Variants in DCHS2 observed in about 807,000 individuals in gnomAD.
The protein encoded by DCHS2 is protocadherin-23.
In DCHS2, 142 loss-of-function variants were observed where a neutral mutation model predicts 182.4. That is an observed-to-expected ratio of 0.78 (90% CI 0.68 to 0.89). The LOEUF (loss-of-function observed/expected upper bound fraction) is 0.89, where lower values mean the gene tolerates loss of function less well. Ranked by LOEUF, DCHS2 falls within the 40% of genes least tolerant of loss-of-function variation. DCHS2 has a pLI of 0.00. For missense variants in DCHS2, 4,319 were observed against 4,198.6 expected (o/e 1.03, Z -0.79); for synonymous variants, 1,740 against 1,663.3 (o/e 1.05, Z -1.12).
At chr4:154,445,077 C>T (rs1450612102) in intron 1 of DCHS2, among the ~76,000 whole-genome samples, 1 of 152,208 alleles carries the variant, frequency 6.6e-6, no homozygotes, top group South Asian at 2.1e-4. Context: ...CAATGGCTGT[C>T]ACTCCGTCTC....
intron 1 of DCHS2, among the ~76,000 whole-genome samples, chr4:154,381,880 A>G (rs1731184392): frequency 6.6e-6 from 1 of 152,196 alleles, no homozygotes; most frequent in Non-Finnish European, 1.5e-5. Flanking sequence ...TATAGATTCA[A>G]TGCCATTCCT....
intron 1 of DCHS2, among the ~76,000 whole-genome samples, chr4:154,449,485 C>G (rs988072461): frequency 2.0e-5 from 3 of 152,044 alleles, no homozygotes; most frequent in African/African-American, 7.2e-5. Flanking sequence ...ACCCTCCCAC[C>G]TCAGCCTCCC....
At chr4:154,398,013 A>G (rs1732003743) in intron 1 of DCHS2, among the ~76,000 whole-genome samples, 1 of 152,200 alleles carries the variant, frequency 6.6e-6, no homozygotes. Flanking sequence ...TAGACCAAGG[A>G]CTGAGACTGG....
intron 1 of DCHS2, among the ~76,000 whole-genome samples, chr4:154,442,191 G>A (rs1363930415): frequency 6.6e-6 from 1 of 151,952 alleles, no homozygotes; most frequent in Non-Finnish European, 1.5e-5. Flanking sequence ...CTAACTCATG[G>A]TGCCCCATTT....
chr4:154,347,847 G>T (rs1729430581), intron 3 of DCHS2, among the ~76,000 whole-genome samples: 1 of 151,830 alleles, frequency 6.6e-6, no homozygotes, highest in African/African-American at 2.4e-5. Context: ...TTTGGGAGAG[G>T]CTGTAATGAC....
chr4:154,405,991 G>A (rs572374188), intron 1 of DCHS2, among the ~76,000 whole-genome samples: 12 of 152,342 alleles, frequency 7.9e-5, no homozygotes, highest in South Asian at 2.1e-4. Context: ...TTATTGCTAA[G>A]GTGTGGGTTT....
intron 3 of DCHS2, 86 bp downstream of exon 3, chr4:154,366,124 A>G (rs1730338809): frequency 6.7e-6 from 7 of 1,051,098 alleles, no homozygotes; most frequent in Non-Finnish European, 8.6e-6. Context: ...ATTGAAAAAA[A>G]GTCACTTTTT....
In DCHS2 at chr4:154,268,533, T is replaced by C. The variant is rs1481495795; in HGVS notation, c.6577+1367A>G. On this transcript the variant is annotated intron_variant, in intron 14 of 19. Coordinates refer to ENST00000357232, the MANE Select transcript of DCHS2 (RefSeq NM_001358235.2). ...TAGTGAGAAATTTAAAACATATGAA[T>C]TGTTTATTTCTGGACCTTCCCATTT... Among the ~76,000 whole-genome samples the C allele has an allele frequency of 2.6e-5, 4 of 152,272 alleles. No individual in the cohort carries two copies. In the East Asian group the frequency reaches 7.7e-4, roughly 29 times the overall value.
chr4:154,268,237 C>G (rs1234328920), intron 14 of DCHS2, among the ~76,000 whole-genome samples: 1 of 129,698 alleles, frequency 7.7e-6, no homozygotes, highest in Admixed American at 7.3e-5. Flanking sequence ...CTTTCCCCCC[C>G]CCAAAAAAAT....
intron 1 of DCHS2, among the ~76,000 whole-genome samples, chr4:154,408,628 T>G (rs570223333): frequency 2.6e-5 from 4 of 151,980 alleles, no homozygotes; most frequent in Admixed American, 2.6e-4. Context: ...AAACAAAAAA[T>G]AAACAACTAC....
chr4:154,484,707 T>G (rs1728514505), intron 1 of DCHS2, among the ~76,000 whole-genome samples: 1 of 152,254 alleles, frequency 6.6e-6, no homozygotes, highest in Non-Finnish European at 1.5e-5. Flanking sequence ...AAATATAAAT[T>G]ACTTCCACAG....
chr4:154,317,812 A>C (rs1369130633), intron 9 of DCHS2, among the ~76,000 whole-genome samples: 3 of 152,194 alleles, frequency 2.0e-5, no homozygotes, highest in Non-Finnish European at 4.4e-5. Flanking sequence ...GTTGAGGGTG[A>C]GTGACATTTC....
At chr4:154,345,395 G>A (rs1335125223) in intron 3 of DCHS2, among the ~76,000 whole-genome samples, 1 of 152,212 alleles carries the variant, frequency 6.6e-6, no homozygotes, top group Non-Finnish European at 1.5e-5. Flanking sequence ...GACTGATGCT[G>A]ATCTAACTGA....
intron 1 of DCHS2, among the ~76,000 whole-genome samples, chr4:154,402,153 T>C (rs1018995599): frequency 1.3e-5 from 2 of 152,218 alleles, no homozygotes; most frequent in African/African-American, 4.8e-5. Context: ...AAAGACTTTC[T>C]TTTTACCACT....
At position 154,322,456 on chromosome 4, in the gene DCHS2, T is replaced by C. The variant is rs1359639718; in HGVS notation, c.4051A>G (p.Asn1351Asp). ...GTGGTTGTTCTTATTTCACCATTGTTGGCGTCAATCTTAAAGTGATCAGAA... is the reference window on the plus strand; with the variant it reads ...GTGGTTGTTCTTATTTCACCATTGTCGGCGTCAATCTTAAAGTGATCAGAA... ...DSSDHFKIDA[N>D]NGEIRTTTIL... is the part of the protein sequence containing the mutation. The change falls in exon 8 of 20, where the codon AAC becomes GAC. Residue 1351 changes from asparagine (N) to aspartate (D), a missense_variant. Transcript: ENST00000357232. 2.5e-6 allele frequency: 4 copies of C among 1,613,328 alleles called. No homozygotes were observed. Among genetic ancestry groups the C allele is most frequent in the Non-Finnish European group, 3.4e-6 (4 of 1,179,692 alleles).
At chr4:154,302,885 AAT>A (rs1735264925) in intron 12 of DCHS2, among the ~76,000 whole-genome samples, 1 of 147,658 alleles carries the variant, frequency 6.8e-6, no homozygotes, top group Non-Finnish European at 1.5e-5. Context: ...ACACATATGA[AAT>A]ATATATACGT....
chr4:154,343,081 C>T (rs1361602109), intron 3 of DCHS2, among the ~76,000 whole-genome samples: 3 of 150,684 alleles, frequency 2.0e-5, no homozygotes, highest in African/African-American at 7.5e-5. Context: ...TGTCAGTGAG[C>T]AGTAATGATT....
In DCHS2 at chr4:154,491,370, C is replaced by G. The variant is rs1236951427; in HGVS notation, c.-15G>C. 2 of 1,493,888 alleles carry G rather than the reference C, an allele frequency of 1.3e-6. No homozygotes were observed. The highest frequency in any genetic ancestry group is 1.8e-6 in the Non-Finnish European group (2 of 1,117,720). The allele number at this position is 1,493,888 out of a possible 1,614,324, so 92.5% of individuals were successfully genotyped here. On this transcript the variant is annotated 5_prime_UTR_variant, in exon 1 of 20. Transcript: ENST00000357232. ...CAAGGGCTCATTTCTCCTCCAGCTCCTTGGGAAGGCTCTCGGGTAACTGCC... is the reference window on the plus strand; with the variant it reads ...CAAGGGCTCATTTCTCCTCCAGCTCGTTGGGAAGGCTCTCGGGTAACTGCC...
At chr4:154,434,997 G>T (rs146436988) in intron 1 of DCHS2, among the ~76,000 whole-genome samples, 11 of 152,094 alleles carry the variant, frequency 7.2e-5, no homozygotes, top group Non-Finnish European at 1.5e-4. Flanking sequence ...ATGGGATCTC[G>T]CAATGGAGAA....
Sources: gnomAD v4.1 joint callset for allele counts (sites outside exome capture counted in the v4.1 genomes callset) on GRCh38, gnomAD v4.1.1 for gene constraint, MANE v1.5 for transcripts, NCBI Gene and HGNC (gene_info 2026-07-23, HGNC 2026-07-21) for gene names.